The following MGAM variants were observed in gnomAD, a reference collection of about 807,000 sequenced individuals.
MGAM encodes the protein alpha-1,4-glucosidase.
MGAM carries 253 observed loss-of-function variants against 358.8 expected under a neutral mutation model. That is an observed-to-expected ratio of 0.71 (90% confidence interval 0.64 to 0.78). MGAM has a LOEUF of 0.78. Ranked by LOEUF, MGAM falls within the 30% of genes least tolerant of loss-of-function variation. The pLI is 0.00. For synonymous variants in MGAM, 1,105 were observed against 1,227.1 expected, an observed-to-expected ratio of 0.90 and a Z score of 2.08; for missense variants, 3,080 against 3,432.6, an observed-to-expected ratio of 0.90 and a Z score of 2.57.
intron 9 of MGAM, 25 bp downstream of exon 9, chr7:142,027,252 G>A: frequency 6.5e-7 from 1 of 1,534,364 alleles, no homozygotes; most frequent in Non-Finnish European, 9.0e-7. Flanking sequence ...TCAAGATTAT[G>A]ACTCAGGAAA....
intron 34 of MGAM, 91 bp downstream of exon 34, chr7:142,060,464 A>G (rs1812052679): frequency 1.4e-6 from 2 of 1,469,278 alleles, no homozygotes; most frequent in Non-Finnish European, 1.9e-6. Flanking sequence ...TACCGTGGAC[A>G]TGGGCTTGGC....
At position 142,031,801 on chromosome 7, in the gene MGAM, G is replaced by C. The variant is rs77392012; in HGVS notation, c.1584+8G>C. ...TTTGATGGAATCTGGATTGTGAGTT[G>C]TTTACACTTGGATTATTAGGTGACA... On this transcript the variant is annotated splice_region_variant and intron_variant, in intron 13 of 70. Transcript: ENST00000475668. 3,926 of 1,545,946 alleles carry C rather than the reference G, an allele frequency of 2.5e-3. 69 individuals carry two copies. In the African/African-American group the frequency reaches 0.047, roughly 19 times the overall value.
intron 21 of MGAM, among the ~76,000 whole-genome samples, chr7:142,044,460 A>G (rs536185528): frequency 1.4e-5 from 2 of 138,644 alleles, no homozygotes; most frequent in East Asian, 2.1e-4. Flanking sequence ...ATATACACAT[A>G]CGATATATGA....
At chr7:142,068,582 G>T in intron 42 of MGAM, 65 bp from the exon 43 acceptor site, 1 of 1,234,842 alleles carries the variant, frequency 8.1e-7, no homozygotes. Context: ...TCTTTCCTAA[G>T]CAGTTTGGTT....
intron 34 of MGAM, 130 bp downstream of exon 34, chr7:142,060,503 T>A: frequency 9.2e-7 from 1 of 1,091,752 alleles, no homozygotes; most frequent in Non-Finnish European, 1.4e-6. Flanking sequence ...TGATGTGTCT[T>A]GGGTGTCATT....
intron 3 of MGAM, among the ~76,000 whole-genome samples, chr7:142,016,731 T>G (rs1554456333): frequency 6.6e-6 from 1 of 152,152 alleles, no homozygotes; most frequent in East Asian, 1.9e-4. Flanking sequence ...TAGCTGGGAC[T>G]ACAGCCATGA....
chr7:142,087,373 G>C (rs539421146), intron 57 of MGAM, among the ~76,000 whole-genome samples: 1 of 145,762 alleles, frequency 6.9e-6, no homozygotes, highest in Admixed American at 6.9e-5. Flanking sequence ...TTCACTAAGC[G>C]TTTCTTGCTT....
At chr7:142,083,834 TAGTG>T (rs1454509303) in intron 53 of MGAM, among the ~76,000 whole-genome samples, 1 of 143,286 alleles carries the variant, frequency 7.0e-6, no homozygotes, top group Non-Finnish European at 1.6e-5. Flanking sequence ...ATGGTGGTGA[TAGTG>T]GTGGTGATGG....
rs782568419 is a variant in MGAM, at chr7:142,036,799, C to T, written c.2077-24C>T. On this transcript the variant is annotated intron_variant, in intron 17 of 70. Coordinates refer to ENST00000475668, the MANE Select transcript of MGAM (RefSeq NM_001365693.1). ...CTGCTATCCTGCAGCCAAACCACAA[C>T]TGCAAACTCCTATTTCCTCCCAGGA... 52 of 1,609,750 alleles carry T rather than the reference C, an allele frequency of 3.2e-5. No homozygotes were observed. In the South Asian group the frequency reaches 3.5e-4, roughly 11 times the overall value.
chr7:142,074,835 ATATT>A (rs1347919919), intron 45 of MGAM, among the ~76,000 whole-genome samples: 1 of 146,560 alleles, frequency 6.8e-6, no homozygotes, highest in African/African-American at 2.4e-5. Flanking sequence ...AAGATTGAAT[ATATT>A]TAAGGTGGAC....
chr7:142,006,918 G>A (rs920405832), intron 2 of MGAM, among the ~76,000 whole-genome samples: 6 of 152,132 alleles, frequency 3.9e-5, no homozygotes, highest in Non-Finnish European at 8.8e-5. Context: ...GCTGCTGTGC[G>A]CTTCATCTTC....
rs530726605 is a variant in MGAM at position 142,084,557 on chromosome 7, G to C, written c.6420G>C (p.Leu2140Phe). The C allele has an allele frequency of 1.1e-4, 173 of 1,556,016 alleles. 7 individuals carry two copies. The African/African-American group carries it at 1.8e-3, about 16-fold the overall frequency. Reference protein sequence around the residue: ...GRPVMVPYWSLGFQLCRYGYQ... With the variant: ...GRPVMVPYWSFGFQLCRYGYQ... ...CTGTGATGGTACCTTACTGGTCTTT[G>C]GGGTTCCAGCTGTGTCGCTATGGCT... Residue 2140 changes from leucine (L) to phenylalanine (F), a missense_variant, in exon 54 of 71, where the codon TTG becomes TTC. Leu to Phe is a conservative substitution (Grantham distance 22). Around this residue, in one of 5 missense-constraint regions of MGAM, gnomAD observed 932 missense variants for 1,198.2 expected, o/e 0.78. Transcript: ENST00000475668.
Position 142,050,332 on chromosome 7 carries a change from C to A in MGAM, c.2637+48C>A, listed in dbSNP as rs147875130. 6,269 of 1,566,874 alleles carry A rather than the reference C, an allele frequency of 4.0e-3. 358 individuals carry two copies. In the Admixed American group the frequency reaches 0.099, roughly 25 times the overall value. ...TCTTAGGTGTGGGCTTTGGACTGAC[C>A]ATTAGCACATCTGTGCTTGTGTATA... On this transcript the variant is annotated intron_variant, in intron 23 of 70. Transcript: ENST00000475668.
chr7:142,093,534 A>T lies in MGAM; in HGVS notation c.7156A>T (p.Thr2386Ser). Residue 2386 changes from threonine to serine, a missense_variant, in exon 60 of 71, where the codon ACC (threonine) becomes TCC (serine). Transcript: ENST00000475668. ...GCACAACCTGTACGGGTGGTCCCAG[A>T]CCAGACCCACATACGAGTGAGTCTC... ...NVHNLYGWSQ[T>S]RPTYEAVQEV... The T allele has an allele frequency of 6.7e-7, 1 of 1,501,482 alleles. No individual in the cohort carries two copies. The highest frequency in any genetic ancestry group is 9.1e-7 in the Non-Finnish European group (1 of 1,104,472). 93.0% of individuals were successfully genotyped at this position (1,501,482 alleles called of 1,614,324 possible).
chr7:142,080,705 T>G, intron 49 of MGAM, 86 bp from the exon 50 acceptor site: 1 of 1,229,210 alleles, frequency 8.1e-7, no homozygotes. Flanking sequence ...GCATCTGAAC[T>G]TTTGTCCAAA....
In MGAM at chr7:142,050,829, A is replaced by G. The variant is rs754398347; in HGVS notation, c.2770A>G (p.Thr924Ala). The G allele has an allele frequency of 1.2e-6, 2 of 1,613,734 alleles. No homozygotes were observed. The highest frequency in any genetic ancestry group is 1.7e-6 in the Non-Finnish European group (2 of 1,179,686). ...TVKHNGVPSQ[T>A]SPTVTYDSNL... ...GAAACACAATGGTGTCCCAAGTCAG[A>G]CTTCTCCTACAGTCACTTATGATTC... Residue 924 changes from threonine (T) to alanine (A), a missense_variant, in exon 24 of 71, where the codon ACT (threonine) becomes GCT (alanine). Thr to Ala is a moderately conservative substitution (Grantham distance 58). Around this residue, in one of 5 missense-constraint regions of MGAM, gnomAD observed 1,816 missense variants for 1,840.5 expected, o/e 0.99. Transcript: ENST00000475668.
chr7:141,987,725 GACT>G (rs1803774592), intron 2 of MGAM, among the ~76,000 whole-genome samples: 1 of 152,210 alleles, frequency 6.6e-6, no homozygotes, highest in African/African-American at 2.4e-5. Flanking sequence ...CCGTTTGGGA[GACT>G]TGGTGGCAAA....
chr7:142,055,110 G>T (rs530736009), intron 27 of MGAM, among the ~76,000 whole-genome samples: 1 of 152,308 alleles, frequency 6.6e-6, no homozygotes, highest in African/African-American at 2.4e-5. Flanking sequence ...ATGTGCCTGA[G>T]GATTCATCCA....
intron 60 of MGAM, 85 bp from the exon 61 acceptor site, chr7:142,094,279 G>C: frequency 7.0e-7 from 1 of 1,425,718 alleles, no homozygotes; most frequent in South Asian, 1.3e-5. Context: ...ACATTGACTA[G>C]GCTCAAGGGC....
Sources: allele counts gnomAD v4.1 joint callset (sites outside exome capture counted in the v4.1 genomes callset), GRCh38; gene constraint gnomAD v4.1.1; regional missense constraint gnomAD v4.1.1; transcripts MANE v1.5; gene names NCBI Gene and HGNC (gene_info 2026-07-23, HGNC 2026-07-21).